FSD1L: variants seen among roughly 807,000 people sequenced by gnomAD.
FSD1L encodes FSD1-like protein.
FSD1L carries 45 observed loss-of-function variants against 71.6 expected under a neutral mutation model. The ratio of observed to expected loss-of-function variants is 0.63; its 90% CI spans 0.49 to 0.81. The LOEUF (loss-of-function observed/expected upper bound fraction) is 0.81, where lower values mean the gene tolerates loss of function less well. Ranked by LOEUF, FSD1L falls within the 30% of genes least tolerant of loss-of-function variation. The pLI, the probability that FSD1L is intolerant of heterozygous loss-of-function variation, is 0.00. For synonymous variants in FSD1L, 197 were observed against 207.2 expected (o/e 0.95, Z 0.42); for missense variants, 561 against 618.1 (o/e 0.91, Z 0.98).
intron 10 of FSD1L, among the ~76,000 whole-genome samples, chr9:105,529,629 G>T (rs1239367342): frequency 1.3e-5 from 2 of 152,046 alleles, no homozygotes; most frequent in African/African-American, 4.8e-5. Flanking sequence ...CGGGGTGGGG[G>T]TCTAGAGGTG....
At chr9:105,490,377 T>C (rs1474427695) in intron 7 of FSD1L, among the ~76,000 whole-genome samples, 3 of 152,210 alleles carry the variant, frequency 2.0e-5, no homozygotes, top group Non-Finnish European at 2.9e-5. Flanking sequence ...GTAAATTTGT[T>C]TGAGTTCATT....
chr9:105,485,356 A>G (rs576242503), intron 7 of FSD1L, among the ~76,000 whole-genome samples: 3 of 152,266 alleles, frequency 2.0e-5, no homozygotes, highest in Admixed American at 2.0e-4. Context: ...TCACTTTGTA[A>G]GAACCTTCTT....
chr9:105,503,479 A>G (rs1833888505), intron 7 of FSD1L, among the ~76,000 whole-genome samples: 1 of 152,160 alleles, frequency 6.6e-6, no homozygotes. Flanking sequence ...TTTTGACTTT[A>G]TATCCTTTCT....
intron 10 of FSD1L, chr9:105,525,136 C>T: frequency 1.9e-6 from 3 of 1,555,740 alleles, no homozygotes; most frequent in Non-Finnish European, 2.6e-6. Flanking sequence ...CTACATCTTT[C>T]ATGCTTTCAT....
At chr9:105,503,057 T>A (rs1284711531) in intron 7 of FSD1L, among the ~76,000 whole-genome samples, 2 of 149,346 alleles carry the variant, frequency 1.3e-5, no homozygotes. Context: ...ATTTTTCTGA[T>A]TTTTTTGTCA....
intron 9 of FSD1L, among the ~76,000 whole-genome samples, chr9:105,510,411 A>G (rs1589044805): frequency 6.6e-6 from 1 of 152,328 alleles, no homozygotes; most frequent in South Asian, 2.1e-4. Context: ...TAAGAGCTGC[A>G]GAGGAAAAGT....
chr9:105,482,797 T>C (rs552340770), intron 6 of FSD1L, among the ~76,000 whole-genome samples: 2 of 152,308 alleles, frequency 1.3e-5, no homozygotes, highest in East Asian at 1.9e-4. Context: ...TTTGATGTCA[T>C]GGTGATTGAA....
At chr9:105,534,705 A>T in intron 11 of FSD1L, 112 bp downstream of exon 11, 13 of 655,774 alleles carry the variant, frequency 2.0e-5, no homozygotes, top group Non-Finnish European at 3.1e-5. Context: ...TCTTTGCAAG[A>T]AATTTCTCCC....
At chr9:105,452,937 A>G (rs1474345741) in intron 1 of FSD1L, among the ~76,000 whole-genome samples, 1 of 150,592 alleles carries the variant, frequency 6.6e-6, no homozygotes, top group African/African-American at 2.4e-5. Flanking sequence ...GGGTTTTGCC[A>G]TGTTGTCCAG....
intron 9 of FSD1L, among the ~76,000 whole-genome samples, chr9:105,511,651 T>A (rs1482404304): frequency 6.6e-6 from 1 of 152,144 alleles, no homozygotes; most frequent in East Asian, 1.9e-4. Flanking sequence ...GGTCAGTAGA[T>A]TTGTATTCAG....
At chr9:105,517,448 C>T (rs1404572277) in intron 10 of FSD1L, among the ~76,000 whole-genome samples, 1 of 152,216 alleles carries the variant, frequency 6.6e-6, no homozygotes, top group African/African-American at 2.4e-5. Context: ...GCCCATCAGA[C>T]TAACAGCAGA....
chr9:105,513,060 C>A, intron 10 of FSD1L, 124 bp downstream of exon 10: 1 of 713,414 alleles, frequency 1.4e-6, no homozygotes, highest in Non-Finnish European at 2.1e-6. Context: ...TTAGTAGCAC[C>A]AAAGTGAAGA....
chr9:105,517,745 G>A (rs1460707182), intron 10 of FSD1L, among the ~76,000 whole-genome samples: 1 of 152,180 alleles, frequency 6.6e-6, no homozygotes, highest in Non-Finnish European at 1.5e-5. Flanking sequence ...TGACGAAACT[G>A]CATCAACTAA....
Position 105,463,105 on chromosome 9 carries a change from T to G in FSD1L, c.112-1131T>G, listed in dbSNP as rs529831621. ...GTGAGCCGAGATCACGCCATTGCAC[T>G]CCAACCTGGGAGACAACAGCCAAAA... On this transcript the variant is annotated intron_variant, in intron 2 of 13. Transcript: ENST00000481272. Among the ~76,000 whole-genome samples the G allele has an allele frequency of 2.1e-3, 313 of 150,986 alleles. 1 individual carries two copies. The highest frequency in any genetic ancestry group is 7.1e-3 in the African/African-American group (290 of 41,106).
At chr9:105,443,237 A>T (rs1411881621), upstream of FSD1L, among the ~76,000 whole-genome samples, 5 of 152,248 alleles carry the variant, frequency 3.3e-5, no homozygotes, top group African/African-American at 1.2e-4. Flanking sequence ...AAAGAGGTTT[A>T]ATGGACTCAC....
intron 1 of FSD1L, among the ~76,000 whole-genome samples, chr9:105,454,604 AC>A (rs1336879383): frequency 1.1e-4 from 17 of 152,084 alleles, no homozygotes; most frequent in Admixed American, 3.3e-4. Flanking sequence ...AAATGGTAGG[AC>A]CTCTGGTTTC....
chr9:105,535,669 C>A (rs1353616778), intron 12 of FSD1L, among the ~76,000 whole-genome samples: 1 of 152,076 alleles, frequency 6.6e-6, no homozygotes, highest in Non-Finnish European at 1.5e-5. Flanking sequence ...TGAAGTAGAT[C>A]TTAGAAATTA....
upstream of FSD1L, among the ~76,000 whole-genome samples, chr9:105,446,948 T>C (rs1020720549): frequency 1.3e-5 from 2 of 152,124 alleles, no homozygotes; most frequent in Non-Finnish European, 2.9e-5. Flanking sequence ...TTCTCAAGCC[T>C]ACTAAATTCC....
intron 1 of FSD1L, among the ~76,000 whole-genome samples, chr9:105,451,193 CCG>C (rs1278758606): frequency 4.0e-5 from 6 of 151,762 alleles, no homozygotes; most frequent in Non-Finnish European, 5.9e-5. Context: ...TCTTCTGACC[CCG>C]TGATCCGCCC....
Sources: allele counts gnomAD v4.1 joint callset (sites outside exome capture counted in the v4.1 genomes callset), GRCh38; gene constraint gnomAD v4.1.1; transcripts MANE v1.5; gene names NCBI Gene and HGNC (gene_info 2026-07-23, HGNC 2026-07-21).